The following UBA5 variants were observed in gnomAD, a reference collection of about 807,000 sequenced individuals.
The protein encoded by UBA5 is ubiquitin like modifier activating enzyme 5.
In UBA5, 28 loss-of-function variants were observed where a neutral mutation model predicts 52.9. The ratio of observed to expected loss-of-function variants is 0.53; its 90% CI spans 0.39 to 0.73. UBA5 has a LOEUF of 0.73. Among genes scored for constraint, UBA5 ranks in the 30% least tolerant of loss-of-function variants. UBA5 has a pLI of 0.00. For synonymous variants in UBA5, 135 were observed against 162.1 expected (o/e 0.83, Z 1.27); for missense variants, 388 against 492.7 (o/e 0.79, Z 2.01).
chr3:132,672,214 G>A (rs1341091530), intron 8 of UBA5, 37 bp downstream of exon 8: 1 of 1,586,056 alleles, frequency 6.3e-7, no homozygotes, highest in Non-Finnish European at 8.6e-7. Flanking sequence ...AGTCTTGTAT[G>A]CTTTCAGTAA....
rs1452478272 is a variant in UBA5, at chr3:132,660,472, A to G, written c.-66A>G. 4.6e-6 allele frequency: 7 copies of G among 1,535,414 alleles called. No homozygotes were observed. The highest frequency in any genetic ancestry group is 1.4e-5 in the African/African-American group (1 of 72,776). On this transcript the variant is annotated 5_prime_UTR_variant, in exon 1 of 12. Coordinates refer to ENST00000356232, the MANE Select transcript of UBA5 (RefSeq NM_024818.6). This position sits in a 1 kb window ranked among gnomAD's most constrained non-coding sequence, Gnocchi z 4.1. ...CACGTACCCCTCGCGGGCCCAGCCG[A>G]GCAACGTGGGGCGAAGGCGGCGGCG...
At position 132,675,859 on chromosome 3, in the gene UBA5, A is replaced by T; in HGVS notation, c.1067A>T (p.Asn356Ile). 1.2e-6 allele frequency: 2 copies of T among 1,611,668 alleles called. No individual in the cohort carries two copies. The highest frequency in any genetic ancestry group is 2.2e-5 in the East Asian group (1 of 44,738). The change falls in exon 11 of 12, where the codon AAT (asparagine) becomes ATT (isoleucine). Residue 356 changes from asparagine to isoleucine, a missense_variant. Transcript: ENST00000356232. The stretch of plus-strand genomic sequence containing the variant: ...GAGGTTTCAGAAGAGGAACTGAAAA[A>T]TTTTTCAGGTCCAGTTCCAGACTTA... ...VSEVSEEELKNFSGPVPDLPE... is the reference protein window; with the variant it reads ...VSEVSEEELKIFSGPVPDLPE...
intron 6 of UBA5, 51 bp from the exon 7 acceptor site, chr3:132,671,726 C>A: frequency 7.1e-7 from 1 of 1,400,312 alleles, no homozygotes; most frequent in Non-Finnish European, 9.9e-7. Flanking sequence ...TTGTAAATTA[C>A]TTCTTGCTCT....
At chr3:132,664,965 A>G (rs1938314287) in intron 1 of UBA5, among the ~76,000 whole-genome samples, 1 of 152,144 alleles carries the variant, frequency 6.6e-6, no homozygotes, top group African/African-American at 2.4e-5. Context: ...CAGGAGAAAC[A>G]TACTTATTAA....
At chr3:132,667,042 T>C (rs576753609) in intron 3 of UBA5, among the ~76,000 whole-genome samples, 2 of 152,126 alleles carry the variant, frequency 1.3e-5, no homozygotes, top group Non-Finnish European at 2.9e-5. Flanking sequence ...ACTTCATAAT[T>C]GACATTGCTA....
chr3:132,656,823 G>A (rs1324172378), upstream of UBA5, among the ~76,000 whole-genome samples: 1 of 151,122 alleles, frequency 6.6e-6, no homozygotes, highest in Non-Finnish European at 1.5e-5. Context: ...TCAATTTGGT[G>A]GTGTGAAATG....
intron 1 of UBA5, among the ~76,000 whole-genome samples, chr3:132,654,967 A>G (rs1191670191): frequency 6.6e-6 from 1 of 152,244 alleles, no homozygotes; most frequent in Non-Finnish European, 1.5e-5. Flanking sequence ...AAACCTGTGC[A>G]GCATGTGACT....
chr3:132,659,789 G>A, upstream of UBA5: 1 of 1,550,688 alleles, frequency 6.4e-7, no homozygotes, highest in Non-Finnish European at 8.7e-7. Flanking sequence ...GGCATCCACA[G>A]GTCTCGAGTG....
rs183176846 is a variant in UBA5 at position 132,670,302 on chromosome 3, G to T, written c.494+18G>T. 5.5e-5 allele frequency: 60 copies of T among 1,090,936 alleles called. No individual in the cohort carries two copies. In the African/African-American group the frequency reaches 9.3e-4, roughly 17 times the overall value. 67.6% of individuals were successfully genotyped at this position (1,090,936 alleles called of 1,614,324 possible). On this transcript the variant is annotated intron_variant, in intron 5 of 11. Coordinates refer to ENST00000356232, the MANE Select transcript of UBA5 (RefSeq NM_024818.6). ...AGAATAAGGTAAAATTTTAATTTAT[G>T]AATATTTTGTATAATGTCCAGCTCA...
chr3:132,661,277 A>T (rs1301192041), intron 1 of UBA5, among the ~76,000 whole-genome samples: 1 of 152,184 alleles, frequency 6.6e-6, no homozygotes, highest in Non-Finnish European at 1.5e-5. Context: ...CTACCGCCAG[A>T]CTGATTGCAA....
chr3:132,668,780 G>T, intron 3 of UBA5, 38 bp from the exon 4 acceptor site: 1 of 1,334,100 alleles, frequency 7.5e-7, no homozygotes. Flanking sequence ...TAGTTTTTTG[G>T]TATGTTTTTC....
chr3:132,662,661 G>C (rs528560735), intron 1 of UBA5, among the ~76,000 whole-genome samples: 1 of 152,296 alleles, frequency 6.6e-6, no homozygotes, highest in South Asian at 2.1e-4. Flanking sequence ...AGACTACATG[G>C]AGGTGGGATA....
intron 8 of UBA5, among the ~76,000 whole-genome samples, chr3:132,673,962 G>A (rs1022973356): frequency 6.6e-6 from 1 of 152,046 alleles, no homozygotes; most frequent in African/African-American, 2.4e-5. Flanking sequence ...CACTGCACAC[G>A]GCCTATAGTA....
In UBA5 at chr3:132,675,302, G is replaced by A. The variant is rs1249775783; in HGVS notation, c.867G>A (p.Gln289=). 1.3e-5 allele frequency: 21 copies of A among 1,613,326 alleles called. No individual in the cohort carries two copies. Among genetic ancestry groups the A allele is most frequent in the Non-Finnish European group, 1.7e-5 (20 of 1,179,622 alleles). The part of the protein sequence containing the change: ...VSFYLGYNAM[Q]DFFPTMSMKP... ...TTTACCTTGGATACAATGCAATGCA[G>A]GATTTTTTTCCTACTATGTCCATGA... The change falls in exon 9 of 12, where the codon CAG becomes CAA. Residue 289 remains glutamine, a synonymous_variant. Coordinates refer to ENST00000356232, the MANE Select transcript of UBA5 (RefSeq NM_024818.6).
Position 132,660,579 on chromosome 3 carries a change from G to A in UBA5, c.42G>A (p.Glu14=). Residue 14 remains glutamate (E), a synonymous_variant, in exon 1 of 12, where the codon GAG becomes GAA. Transcript: ENST00000356232. This position sits in a 1 kb window ranked among gnomAD's most constrained non-coding sequence, Gnocchi z 4.1. ...AGCGCCTGCAGCAGCGGGTCCAGGA[G>A]CTGGAGCGGGAACTTGCCCAGGAGA... The part of the protein sequence containing the change: ...SVERLQQRVQ[E]LERELAQERS... The A allele has an allele frequency of 1.3e-6, 2 of 1,551,532 alleles. No individual in the cohort carries two copies. The highest frequency in any genetic ancestry group is 1.7e-6 in the Non-Finnish European group (2 of 1,147,838).
chr3:132,660,545 A>T lies in UBA5; in HGVS notation c.8A>T (p.Glu3Val). The T allele has an allele frequency of 6.5e-7, 1 of 1,548,866 alleles. No homozygotes were observed. The highest frequency in any genetic ancestry group is 8.7e-7 in the Non-Finnish European group (1 of 1,146,980). ...GCGGCCGGAGTCCCAGCCATGGCGG[A>T]GTCTGTGGAGCGCCTGCAGCAGCGG... Reference protein sequence around the residue: MAESVERLQQRVQ... With the variant: MAVSVERLQQRVQ... Residue 3 changes from glutamate to valine, a missense_variant, in exon 1 of 12, where the codon GAG (glutamate) becomes GTG (valine). Glu to Val is a moderately radical substitution (Grantham distance 121, BLOSUM62 -2). Coordinates refer to ENST00000356232, the MANE Select transcript of UBA5 (RefSeq NM_024818.6). The surrounding 1 kb of genome is among the most constrained non-coding windows in gnomAD (Gnocchi z 4.1).
rs1559997388 is a variant in UBA5, at chr3:132,679,589, T to C, written c.*3063T>C. On this transcript the variant is annotated 3_prime_UTR_variant, in exon 12 of 12. Transcript: ENST00000356232. ...TGATCATGTCTCCAACTACAGTTAT[T>C]CAGGCACAAATTTTGGAGGTACAAA... Among the ~76,000 whole-genome samples, 1 of 152,222 alleles carries C rather than the reference T, an allele frequency of 6.6e-6. No individual in the cohort carries two copies. Among genetic ancestry groups the C allele is most frequent in the Admixed American group, 6.5e-5 (1 of 15,282 alleles).
chr3:132,664,755 T>TA (rs1441971696), intron 1 of UBA5, among the ~76,000 whole-genome samples: 1 of 152,136 alleles, frequency 6.6e-6, no homozygotes, highest in African/African-American at 2.4e-5. Context: ...CTTTGTAGTA[T>TA]AATGATGAAG....
At position 132,670,952 on chromosome 3, in the gene UBA5, T is replaced by G; in HGVS notation, c.495-13T>G. On this transcript the variant is annotated splice_polypyrimidine_tract_variant and intron_variant, in intron 5 of 11. Coordinates refer to ENST00000356232, the MANE Select transcript of UBA5 (RefSeq NM_024818.6). ...GTGTCCTGATGTTTTTCAAACTTAT[T>G]TTCTTTGACTAGTAATGGTGGGTTA... is the stretch of plus-strand genomic sequence containing the variant. 6.2e-7 allele frequency: 1 copy of G among 1,609,830 alleles called. No individual in the cohort carries two copies. Among genetic ancestry groups the G allele is most frequent in the South Asian group, 1.1e-5 (1 of 90,964 alleles).
Sources: allele counts gnomAD v4.1 joint callset (sites outside exome capture counted in the v4.1 genomes callset), GRCh38; gene constraint gnomAD v4.1.1; non-coding constraint Gnocchi (gnomAD v3.1); transcripts MANE v1.5; gene names NCBI Gene and HGNC (gene_info 2026-07-23, HGNC 2026-07-21).